The following TMEM260 variants were observed in gnomAD, a reference collection of about 807,000 sequenced individuals.
TMEM260 encodes the protein transmembrane protein 260.
TMEM260 carries 82 observed loss-of-function variants against 88.9 expected under a neutral mutation model. The ratio of observed to expected loss-of-function variants is 0.92; its 90% CI spans 0.77 to 1.11. The LOEUF (loss-of-function observed/expected upper bound fraction) is 1.11, where lower values mean the gene tolerates loss of function less well. TMEM260 is among the 50% of genes least tolerant of loss of function. The probability of loss-of-function intolerance (pLI) is 0.00; values close to 1 mark genes in which losing one functional copy is unlikely to be tolerated. For synonymous variants in TMEM260, 314 were observed against 309.3 expected (o/e 1.02, Z -0.16); for missense variants, 902 against 853.4 (o/e 1.06, Z -0.71).
intron 14 of TMEM260, among the ~76,000 whole-genome samples, chr14:56,635,374 GAGGCCAGGCACT>G (rs1390697422): frequency 6.6e-5 from 10 of 152,126 alleles, no homozygotes; most frequent in African/African-American, 2.2e-4. Context: ...GTACTTACTG[GAGGCCAGGCACT>G]GGGCTAGGCA....
chr14:56,653,736 C>CAAAAAAAAAAAAA (rs10522889), downstream of TMEM260, among the ~76,000 whole-genome samples: 97 of 66,492 alleles, frequency 1.5e-3, 7 homozygotes, highest in Non-Finnish European at 1.9e-3. Context: ...CTCTTGTCTC[C>CAAAAAAAAAAAAA]AAAACAAAAA....
intron 14 of TMEM260, among the ~76,000 whole-genome samples, chr14:56,635,787 GTTTAAAGAGGTT>G (rs1162875947): frequency 3.3e-5 from 5 of 152,042 alleles, no homozygotes; most frequent in Non-Finnish European, 7.3e-5. Context: ...GCTTATATAA[GTTTAAAGAGGTT>G]TTTAAAGAGT....
intron 13 of TMEM260, among the ~76,000 whole-genome samples, chr14:56,633,788 T>A (rs1888812053): frequency 6.6e-6 from 1 of 151,918 alleles, no homozygotes; most frequent in Admixed American, 6.6e-5. Flanking sequence ...ATTCTTTTAC[T>A]TGATTTCACA....
downstream of TMEM260, chr14:56,650,613 C>G (rs2139668227): frequency 6.6e-6 from 1 of 152,592 alleles, no homozygotes; most frequent in South Asian, 2.1e-4. Flanking sequence ...GTTATTTCTG[C>G]TCATATTCTT....
chr14:56,640,982 T>G (rs148871987), intron 15 of TMEM260, among the ~76,000 whole-genome samples: 6,413 of 152,120 alleles, frequency 0.042, 180 homozygotes, highest in Middle Eastern at 0.11. Context: ...CCAAGAAATA[T>G]GGGACTATGT....
intron 12 of TMEM260, among the ~76,000 whole-genome samples, chr14:56,628,439 A>G (rs1250850673): frequency 6.6e-6 from 1 of 152,164 alleles, no homozygotes; most frequent in African/African-American, 2.4e-5. Context: ...TCTATGAATT[A>G]TATTTTTGGT....
chr14:56,610,512 G>T (rs1352622837), intron 6 of TMEM260, among the ~76,000 whole-genome samples: 1 of 152,144 alleles, frequency 6.6e-6, no homozygotes, highest in East Asian at 1.9e-4. Context: ...AAAGTGCGGG[G>T]ATTACAGGCG....
chr14:56,639,356 TA>T (rs974361628), intron 15 of TMEM260, among the ~76,000 whole-genome samples: 5 of 152,198 alleles, frequency 3.3e-5, no homozygotes, highest in Admixed American at 1.3e-4. Flanking sequence ...AGGTGATGGA[TA>T]CCCCATTTAC....
chr14:56,654,299 C>T (rs1890261401), downstream of TMEM260, among the ~76,000 whole-genome samples: 1 of 152,160 alleles, frequency 6.6e-6, no homozygotes, highest in Non-Finnish European at 1.5e-5. Flanking sequence ...GCATAAATTA[C>T]ATTCCAGCTG....
upstream of TMEM260, chr14:56,579,757 C>T: frequency 1.7e-6 from 1 of 596,448 alleles, no homozygotes; most frequent in Non-Finnish European, 2.4e-6. Flanking sequence ...CTCCTCCCCG[C>T]GCTCAGGCGG....
intron 12 of TMEM260, among the ~76,000 whole-genome samples, chr14:56,631,728 T>C (rs2139622615): frequency 6.6e-6 from 1 of 152,298 alleles, no homozygotes; most frequent in Non-Finnish European, 1.5e-5. Context: ...GTCATACCGG[T>C]TAAACTCTGC....
intron 4 of TMEM260, among the ~76,000 whole-genome samples, chr14:56,604,827 G>C (rs563300159): frequency 6.6e-6 from 1 of 152,174 alleles, no homozygotes; most frequent in Non-Finnish European, 1.5e-5. Flanking sequence ...TAGCCAAGGA[G>C]CAGTGTGGGA....
chr14:56,626,916 A>G (rs56780829), intron 12 of TMEM260, among the ~76,000 whole-genome samples: 6,597 of 152,204 alleles, frequency 0.043, 485 homozygotes, highest in African/African-American at 0.15. Flanking sequence ...TAAATGACTT[A>G]TTTTTAAAAC....
intron 11 of TMEM260, 72 bp from the exon 12 acceptor site, chr14:56,625,310 A>G (rs1429643699): frequency 6.6e-7 from 1 of 1,512,820 alleles, no homozygotes; most frequent in Non-Finnish European, 9.0e-7. Context: ...GGTTTTTGCC[A>G]TTACTTGATA....
At chr14:56,618,951 T>C (rs184872567) in intron 10 of TMEM260, among the ~76,000 whole-genome samples, 188 bp downstream of exon 10, 175 of 152,288 alleles carry the variant, frequency 1.1e-3, no homozygotes, top group Non-Finnish European at 1.8e-3. Context: ...GGGCGATGAA[T>C]GGTTTCAGGC....
At chr14:56,660,745 G>C in the TMEM260 span, among the ~76,000 whole-genome samples, 6 of 152,182 alleles carry the variant, frequency 3.9e-5, no homozygotes, top group Admixed American at 3.9e-4. Context: ...AGTGAATCTT[G>C]TGTCACACTA....
chr14:56,647,989 T>C lies in TMEM260; in HGVS notation c.*492T>C, dbSNP rs912766198. ...TTTTTTACAAAGTAGCTATAGTTGT[T>C]ACATAGTCTTACACTTCAAGCTAAA... On this transcript the variant is annotated 3_prime_UTR_variant, in exon 16 of 16. Transcript: ENST00000261556. 6.5e-6 allele frequency: 1 copy of C among 154,344 alleles called. No homozygotes were observed. The highest frequency in any genetic ancestry group is 1.4e-5 in the Non-Finnish European group (1 of 69,358). 9.6% of individuals were successfully genotyped at this position (154,344 alleles called of 1,614,324 possible). A position where few individuals can be genotyped will look rare whatever the true frequency, so the allele number is the denominator to read the frequency against.
chr14:56,628,606 A>G (rs933436294), intron 12 of TMEM260, among the ~76,000 whole-genome samples: 1 of 151,902 alleles, frequency 6.6e-6, no homozygotes, highest in Non-Finnish European at 1.5e-5. Context: ...TTGTATTTGT[A>G]CTTTTCGCTG....
intron 3 of TMEM260, among the ~76,000 whole-genome samples, chr14:56,597,039 A>C (rs547414295): frequency 6.6e-6 from 1 of 152,186 alleles, no homozygotes; most frequent in South Asian, 2.1e-4. Context: ...ATGAGAACCT[A>C]GAGAAGGGGC....
Sources: allele counts gnomAD v4.1 joint callset (sites outside exome capture counted in the v4.1 genomes callset), GRCh38; gene constraint gnomAD v4.1.1; transcripts MANE v1.5; gene names NCBI Gene and HGNC (gene_info 2026-07-23, HGNC 2026-07-21).